TOP6BL: variants seen among roughly 807,000 people sequenced by gnomAD.
TOP6BL encodes TOP6B like initiator of meiotic double strand breaks.
the TOP6BL span, among the ~76,000 whole-genome samples, chr11:66,802,475 A>T: frequency 6.6e-6 from 1 of 152,028 alleles, no homozygotes; most frequent in Admixed American, 6.6e-5. Context: ...ATTTAAAAAA[A>T]ATTTTTTTTT....
chr11:66,770,979 G>A, the TOP6BL span, among the ~76,000 whole-genome samples: 2 of 151,928 alleles, frequency 1.3e-5, no homozygotes, highest in Non-Finnish European at 2.9e-5. Flanking sequence ...TGAATGTTGG[G>A]TACGCTATAA....
the TOP6BL span, chr11:66,803,983 G>A: frequency 5.7e-6 from 9 of 1,585,754 alleles, no homozygotes; most frequent in African/African-American, 1.4e-5. Flanking sequence ...TGACTTGTCT[G>A]TTTTCTGACA....
the TOP6BL span, among the ~76,000 whole-genome samples, chr11:66,781,957 A>G: frequency 6.6e-6 from 1 of 152,074 alleles, no homozygotes; most frequent in African/African-American, 2.4e-5. Flanking sequence ...ATATTGTGTT[A>G]TCTATCTCTG....
the TOP6BL span, among the ~76,000 whole-genome samples, chr11:66,774,716 C>T: frequency 3.3e-5 from 5 of 152,016 alleles, no homozygotes; most frequent in African/African-American, 1.2e-4. Context: ...CGTGATCCGC[C>T]CGCCTTTGCC....
the TOP6BL span, chr11:66,813,838 T>G: frequency 6.2e-7 from 1 of 1,607,768 alleles, no homozygotes; most frequent in Non-Finnish European, 8.5e-7. Flanking sequence ...GATACTAAAA[T>G]TTGGCAGTTT....
At chr11:66,754,953 T>G in the TOP6BL span, among the ~76,000 whole-genome samples, 4 of 152,158 alleles carry the variant, frequency 2.6e-5, no homozygotes, top group African/African-American at 9.7e-5. Flanking sequence ...TAATTTATCT[T>G]CTACCTCACC....
the TOP6BL span, chr11:66,788,312 CT>C: frequency 7.3e-7 from 1 of 1,360,920 alleles, no homozygotes; most frequent in Non-Finnish European, 1.0e-6. Context: ...TGATTTTATT[CT>C]TATTTTTCTG....
At chr11:66,822,734 T>A in the TOP6BL span, 1 of 1,210,044 alleles carries the variant, frequency 8.3e-7, no homozygotes, top group Non-Finnish European at 1.2e-6. Context: ...CTGGGTACGG[T>A]GGCTCATGCC....
the TOP6BL span, among the ~76,000 whole-genome samples, chr11:66,836,240 G>T: frequency 3.9e-5 from 6 of 151,968 alleles, no homozygotes; most frequent in African/African-American, 1.5e-4. Flanking sequence ...TTGTTGAGAC[G>T]GAGTCTCACT....
the TOP6BL span, among the ~76,000 whole-genome samples, chr11:66,806,768 A>G: frequency 2.6e-5 from 4 of 152,198 alleles, no homozygotes; most frequent in Non-Finnish European, 4.4e-5. Flanking sequence ...AATAAAAAAA[A>G]AGAGAGAACA....
chr11:66,779,950 A>T, the TOP6BL span, among the ~76,000 whole-genome samples: 3 of 148,886 alleles, frequency 2.0e-5, no homozygotes, highest in African/African-American at 4.9e-5. Context: ...CATAGGTGGG[A>T]ATTGAACAAT....
chr11:66,796,407 C>A, the TOP6BL span: 1 of 1,454,538 alleles, frequency 6.9e-7, no homozygotes, highest in South Asian at 1.2e-5. Context: ...TTATTTAAGT[C>A]ATTGTTTTCC....
At chr11:66,765,619 A>C in the TOP6BL span, among the ~76,000 whole-genome samples, 1 of 152,112 alleles carries the variant, frequency 6.6e-6, no homozygotes, top group African/African-American at 2.4e-5. Context: ...AGGTTCAAGA[A>C]ATTCTCCTGC....
the TOP6BL span, among the ~76,000 whole-genome samples, chr11:66,832,010 A>AC: frequency 3.7e-4 from 56 of 151,210 alleles, no homozygotes; most frequent in African/African-American, 1.1e-3. Flanking sequence ...AAAAAAAAAA[A>AC]AAAAAACAAA....
chr11:66,822,777 G>A, the TOP6BL span: 2 of 754,364 alleles, frequency 2.7e-6, no homozygotes, highest in Admixed American at 4.7e-5. Flanking sequence ...GCCAAGGTAG[G>A]AGGATTGCTT....
the TOP6BL span, among the ~76,000 whole-genome samples, chr11:66,782,845 T>G: frequency 6.6e-6 from 1 of 152,182 alleles, no homozygotes; most frequent in African/African-American, 2.4e-5. Context: ...TCTATCTACT[T>G]CATCTTTAAC....
the TOP6BL span, among the ~76,000 whole-genome samples, chr11:66,798,025 A>T: frequency 5.3e-5 from 8 of 152,168 alleles, no homozygotes; most frequent in African/African-American, 1.9e-4. Flanking sequence ...AAGTTTTATC[A>T]TCATCATCCG....
At chr11:66,809,080 G>C in the TOP6BL span, among the ~76,000 whole-genome samples, 1 of 152,164 alleles carries the variant, frequency 6.6e-6, no homozygotes, top group Non-Finnish European at 1.5e-5. Context: ...AAGTAGCTGG[G>C]ACTACAGGCA....
At chr11:66,785,369 A>T in the TOP6BL span, among the ~76,000 whole-genome samples, 1 of 152,174 alleles carries the variant, frequency 6.6e-6, no homozygotes, top group East Asian at 1.9e-4. Flanking sequence ...ATACTTATTT[A>T]AAAATCTCTC....
Sources: gnomAD v4.1 joint callset for allele counts (sites outside exome capture counted in the v4.1 genomes callset) on GRCh38, gnomAD v4.1.1 for gene constraint, MANE v1.5 for transcripts, NCBI Gene and HGNC (gene_info 2026-07-23, HGNC 2026-07-21) for gene names.